The following CT55 variants were observed in gnomAD, a reference collection of about 807,000 sequenced individuals.
CT55 encodes the protein BRCA2-interacting protein.
CT55 carries 1 observed loss-of-function variant against 12.6 expected under a neutral mutation model. The observed-to-expected ratio is 0.08, with a 90% CI of 0.03 to 0.38. The LOEUF (loss-of-function observed/expected upper bound fraction) is 0.38, where lower values mean the gene tolerates loss of function less well. Among genes scored for constraint, CT55 ranks in the 10% least tolerant of loss-of-function variants. CT55 has a pLI of 0.99. For missense variants in CT55, 109 were observed against 135.4 expected (o/e 0.80, Z 0.97); for synonymous variants, 43 against 49.7 (o/e 0.87, Z 0.57).
chrX:135,160,384 T>C (rs1556404956), intron 3 of CT55, 27 bp downstream of exon 3: 2 of 1,135,011 alleles, frequency 1.8e-6, no homozygotes, highest in Non-Finnish European at 2.3e-6. Flanking sequence ...AAGAATTACA[T>C]CATATATTTC....
chrX:135,170,100 G>A (rs2083604627), intron 1 of CT55, among the ~76,000 whole-genome samples: 1 of 111,695 alleles, frequency 9.0e-6, no homozygotes, highest in Non-Finnish European at 1.9e-5. Context: ...TCTGCCTCCT[G>A]GGTTCAGGTG....
chrX:135,160,465 C>A lies in CT55; in HGVS notation c.370G>T (p.Asp124Tyr). The change falls in exon 3 of 6, where the codon GAT becomes TAT. Residue 124 changes from aspartate to tyrosine, a missense_variant. Coordinates refer to ENST00000276241, the MANE Select transcript of CT55 (RefSeq NM_001031705.3). ...ATGCTGTTACTAATATAAATATTAT[C>A]TTCATTTATAGAAGTAACACATCCA... The part of the protein sequence containing the change: ...LIGCVTSINE[D>Y]NIYISNSIYF... The A allele has an allele frequency of 8.4e-7, 1 of 1,188,672 alleles. No individual in the cohort carries two copies. Among genetic ancestry groups the A allele is most frequent in the Admixed American group, 2.3e-5 (1 of 42,938 alleles).
chrX:135,169,921 A>G (rs1556406545), intron 1 of CT55, 143 bp from the exon 2 acceptor site: 3 of 318,683 alleles, frequency 9.4e-6, no homozygotes, highest in African/African-American at 8.2e-5. Context: ...GTCAATCCAC[A>G]ACAATCACAA....
intron 2 of CT55, among the ~76,000 whole-genome samples, chrX:135,164,984 G>A (rs2148444185): frequency 9.0e-6 from 1 of 111,659 alleles, no homozygotes; most frequent in South Asian, 3.8e-4. Flanking sequence ...TAATAGTAGG[G>A]GACTTCAACA....
chrX:135,170,932 C>T, intron 1 of CT55, 146 bp downstream of exon 1: 1 of 1,000,504 alleles, frequency 1.0e-6, no homozygotes, highest in East Asian at 3.4e-5. Context: ...CGGGTTGCCT[C>T]GGGTTGCCTC....
At position 135,169,761 on chromosome X, in the gene CT55, T is replaced by C. The variant is rs2083602782; in HGVS notation, c.112A>G (p.Thr38Ala). The C allele has an allele frequency of 3.4e-6, 4 of 1,193,891 alleles. No individual in the cohort carries two copies. The highest frequency in any genetic ancestry group is 3.4e-6 in the Non-Finnish European group (3 of 886,756). ...GLPQGDTQLT[T>A]VQGVVTSFCG... is the part of the protein sequence containing the mutation. ...AAACTTGTGACAACTCCCTGCACAG[T>C]TGTCAACTGGGTGTCACCTACAAGA... Residue 38 changes from threonine to alanine, a missense_variant, in exon 2 of 6, where the codon ACT becomes GCT. Thr to Ala is a moderately conservative substitution (Grantham distance 58). Transcript: ENST00000276241.
chrX:135,159,824 G>C (rs2083554749), intron 3 of CT55, among the ~76,000 whole-genome samples: 1 of 111,100 alleles, frequency 9.0e-6, no homozygotes, highest in Non-Finnish European at 1.9e-5. Context: ...TTATACCCAA[G>C]CTATACGACA....
In CT55 at chrX:135,166,416, G is replaced by T. The variant is rs1215168763; in HGVS notation, c.279+3178C>A. Among the ~76,000 whole-genome samples, 8 of 111,289 alleles carry T rather than the reference G, an allele frequency of 7.2e-5. No homozygotes were observed. The Admixed American group carries it at 7.6e-4, about 11-fold the overall frequency. The stretch of plus-strand genomic sequence containing the variant: ...TTGATTGAATTCCACACCTCTTCGT[G>T]ACTAAAAACTCCACAAATTAGGTAT... On this transcript the variant is annotated intron_variant, in intron 2 of 5. Transcript: ENST00000276241.
chrX:135,162,485 G>A (rs1340807940), intron 2 of CT55, among the ~76,000 whole-genome samples: 2 of 112,061 alleles, frequency 1.8e-5, no homozygotes, highest in South Asian at 3.7e-4. Flanking sequence ...TGAAAATATC[G>A]TCACTTGACA....
rs2148446030 is a variant in CT55, at chrX:135,171,383, G to A, written c.-212C>T. 3.0e-6 allele frequency: 2 copies of A among 676,098 alleles called. No individual in the cohort carries two copies. Among genetic ancestry groups the A allele is most frequent in the Non-Finnish European group, 4.1e-6 (2 of 484,389 alleles). 55.7% of individuals were successfully genotyped at this position (676,098 alleles called of 1,213,427 possible). ...CTCCAAAGGAGCTCCCAGCTTCTCC[G>A]CTGACTTCTCCCTCTGAGCATGCGC... On this transcript the variant is annotated 5_prime_UTR_variant, in exon 1 of 6. Coordinates refer to ENST00000276241, the MANE Select transcript of CT55 (RefSeq NM_001031705.3).
chrX:135,169,936 G>A (rs1473643286), intron 1 of CT55, among the ~76,000 whole-genome samples, 158 bp from the exon 2 acceptor site: 4 of 111,589 alleles, frequency 3.6e-5, no homozygotes, highest in Non-Finnish European at 7.5e-5. Flanking sequence ...TCACAATTTC[G>A]CCTAATAGGG....
At chrX:135,164,550 A>C (rs1323510111) in intron 2 of CT55, among the ~76,000 whole-genome samples, 1 of 112,235 alleles carries the variant, frequency 8.9e-6, no homozygotes. Flanking sequence ...GAAAAAAATT[A>C]TCTAAATGAC....
At chrX:135,163,544 G>GA (rs1288635664) in intron 2 of CT55, among the ~76,000 whole-genome samples, 7 of 110,345 alleles carry the variant, frequency 6.3e-5, no homozygotes, top group African/African-American at 2.0e-4. Flanking sequence ...GACACGGAAT[G>GA]AAAAAAAACT....
chrX:135,167,924 T>C (rs2083593019), intron 2 of CT55, among the ~76,000 whole-genome samples: 1 of 109,989 alleles, frequency 9.1e-6, no homozygotes, highest in African/African-American at 3.3e-5. Context: ...ATGGCTAACA[T>C]TAAAAAGACA....
intron 3 of CT55, among the ~76,000 whole-genome samples, chrX:135,158,961 CT>C (rs1348547894): frequency 8.9e-6 from 1 of 112,179 alleles, no homozygotes; most frequent in Non-Finnish European, 1.9e-5. Context: ...AACTAATGAA[CT>C]CTTAAGTATG....
chrX:135,160,745 T>C (rs1235486880), intron 2 of CT55, among the ~76,000 whole-genome samples, 190 bp from the exon 3 acceptor site: 3 of 112,237 alleles, frequency 2.7e-5, no homozygotes, highest in African/African-American at 9.7e-5. Flanking sequence ...TCAAGAATTG[T>C]GAAATGTATC....
intron 2 of CT55, among the ~76,000 whole-genome samples, chrX:135,162,327 T>C (rs183101330): frequency 1.8e-5 from 2 of 112,428 alleles, no homozygotes; most frequent in Admixed American, 9.4e-5. Flanking sequence ...GGATACTTCC[T>C]GAACCCAGAA....
intron 2 of CT55, among the ~76,000 whole-genome samples, chrX:135,166,935 G>A (rs368519648): frequency 1.3e-4 from 15 of 112,123 alleles, no homozygotes; most frequent in South Asian, 3.7e-4. Flanking sequence ...AACCATTGAC[G>A]AAGCAAATTG....
At chrX:135,159,081 G>A (rs1257035970) in intron 3 of CT55, among the ~76,000 whole-genome samples, 18 of 111,678 alleles carry the variant, frequency 1.6e-4, no homozygotes, top group Admixed American at 9.5e-5. Context: ...GGAGCAAGTG[G>A]AAATCCCAAC....
Sources: gnomAD v4.1 joint callset for allele counts (sites outside exome capture counted in the v4.1 genomes callset) on GRCh38, gnomAD v4.1.1 for gene constraint, MANE v1.5 for transcripts, NCBI Gene and HGNC (gene_info 2026-07-23, HGNC 2026-07-21) for gene names.